Variants in GRIN2A observed in about 807,000 individuals in gnomAD.
The protein encoded by GRIN2A is glutamate receptor ionotropic, NMDA 2A.
A neutral mutation model predicts 113.4 loss-of-function variants in GRIN2A; 22 were observed. The observed-to-expected ratio is 0.19, with a 90% confidence interval of 0.14 to 0.28. The LOEUF is 0.28. GRIN2A is among the 10% of genes least tolerant of loss of function. The probability of loss-of-function intolerance (pLI) is 1.00; values close to 1 mark genes in which losing one functional copy is unlikely to be tolerated. For missense variants in GRIN2A, 1,502 were observed against 1,887.0 expected (o/e 0.80, Z 3.78); for synonymous variants, 827 against 738.4 (o/e 1.12, Z -1.94).
At position 9,930,749 on chromosome 16, in the gene GRIN2A, A is replaced by G. The variant is rs553659452; in HGVS notation, c.1007+7210T>C. ...GCATTACAAAAAACCAACAGTGATC[A>G]TTCTGATTACTAAATAAAAATATGT... On this transcript the variant is annotated intron_variant, in intron 3 of 12. Transcript: ENST00000330684. 1.2e-4 allele frequency among the ~76,000 whole-genome samples: 18 copies of G among 152,360 alleles called. No individual in the cohort carries two copies. The East Asian group carries it at 1.3e-3, about 11-fold the overall frequency.
chr16:10,105,540 C>T (rs984356494), intron 2 of GRIN2A, among the ~76,000 whole-genome samples: 1 of 151,586 alleles, frequency 6.6e-6, no homozygotes, highest in Admixed American at 6.6e-5. Context: ...CATTTGAGAC[C>T]AGCCATATGA....
chr16:10,012,515 G>A (rs1054094082), intron 2 of GRIN2A, among the ~76,000 whole-genome samples: 1 of 152,120 alleles, frequency 6.6e-6, no homozygotes, highest in Admixed American at 6.5e-5. Context: ...TTGTTCAATC[G>A]ATTCTAAAAG....
At chr16:10,102,873 G>A (rs548436223) in intron 2 of GRIN2A, among the ~76,000 whole-genome samples, 9 of 152,260 alleles carry the variant, frequency 5.9e-5, no homozygotes, top group African/African-American at 1.9e-4. Context: ...TTCCTCCACT[G>A]TTCTAGATCA....
In GRIN2A at chr16:9,763,522, CTT is replaced by C; in HGVS notation, c.4020_4021del (p.Ser1341LeufsTer24). Reference sequence around the variant, plus strand: ...CTCCAGACCTTGGGGGAAAAGGGAGCTTTTTTTCCCCGAGAGTTTGCTTGAGG... The same window carrying C: ...CTCCAGACCTTGGGGGAAAAGGGAGCTTTTTCCCCGAGAGTTTGCTTGAGG... On this transcript the variant is annotated frameshift_variant, in exon 13 of 13. Transcript: ENST00000330684. LOFTEE classifies it high-confidence loss of function. The C allele has an allele frequency of 6.2e-7, 1 of 1,613,986 alleles. No individual in the cohort carries two copies. The highest frequency in any genetic ancestry group is 8.5e-7 in the Non-Finnish European group (1 of 1,179,966).
At chr16:9,840,117 C>CA (rs1163436707) in intron 7 of GRIN2A, among the ~76,000 whole-genome samples, 2 of 151,826 alleles carry the variant, frequency 1.3e-5, no homozygotes, top group African/African-American at 4.8e-5. Context: ...GACTCCATCT[C>CA]AAAAAAATAA....
intron 8 of GRIN2A, among the ~76,000 whole-genome samples, chr16:9,832,438 C>A (rs975937424): frequency 6.6e-6 from 1 of 152,120 alleles, no homozygotes; most frequent in Non-Finnish European, 1.5e-5. Context: ...TGCACCCCAT[C>A]ACTATCATGT....
At chr16:9,976,367 C>T (rs551222372) in intron 2 of GRIN2A, among the ~76,000 whole-genome samples, 2 of 152,328 alleles carry the variant, frequency 1.3e-5, no homozygotes, top group African/African-American at 4.8e-5. Flanking sequence ...CTAACTCTCT[C>T]ACATGTCCAA....
At chr16:9,769,451 C>CTTTTTTTTTTTTTTTTTTTTTTGT (rs34847596) in intron 11 of GRIN2A, among the ~76,000 whole-genome samples, 1 of 104,890 alleles carries the variant, frequency 9.5e-6, no homozygotes, top group East Asian at 3.2e-4. Flanking sequence ...GGAGTTTTGT[C>CTTTTTTTTTTTTTTTTTTTTTTGT]TTTTTTTTTT....
At chr16:10,000,371 C>G (rs1333482062) in intron 2 of GRIN2A, among the ~76,000 whole-genome samples, 1 of 151,592 alleles carries the variant, frequency 6.6e-6, no homozygotes, top group Non-Finnish European at 1.5e-5. Context: ...TTTTTTTTCT[C>G]CTCCTAAAAG....
intron 7 of GRIN2A, among the ~76,000 whole-genome samples, chr16:9,837,967 A>G (rs148911425): frequency 2.3e-4 from 35 of 152,342 alleles, no homozygotes; most frequent in African/African-American, 8.2e-4. Context: ...ATCAAAAATG[A>G]AAACAGTAAA....
intron 2 of GRIN2A, among the ~76,000 whole-genome samples, chr16:10,037,460 CAG>C (rs1347815289): frequency 1.3e-5 from 2 of 152,100 alleles, no homozygotes; most frequent in African/African-American, 2.4e-5. Context: ...ATGCATTATC[CAG>C]AGTGATCATT....
chr16:9,839,569 A>C (rs2042638382), intron 7 of GRIN2A, among the ~76,000 whole-genome samples: 1 of 152,308 alleles, frequency 6.6e-6, no homozygotes, highest in East Asian at 1.9e-4. Flanking sequence ...ATCATCGTGC[A>C]GTCATCATTA....
At chr16:10,096,307 G>C (rs1313119810) in intron 2 of GRIN2A, among the ~76,000 whole-genome samples, 1 of 152,134 alleles carries the variant, frequency 6.6e-6, no homozygotes, top group African/African-American at 2.4e-5. Context: ...GTTTACAGCA[G>C]TTCCCAACCA....
In GRIN2A at chr16:10,172,363, T is replaced by C. The variant is rs184660285; in HGVS notation, c.414+7635A>G. Among the ~76,000 whole-genome samples the C allele has an allele frequency of 2.3e-3, 353 of 152,334 alleles. 1 individual carries two copies. Among genetic ancestry groups the C allele is most frequent in the African/African-American group, 8.0e-3 (331 of 41,580 alleles). The stretch of plus-strand genomic sequence containing the variant: ...AACAGGGCCAGGTGTTATAGGAGAT[T>C]AATGATGGCAGCAGTGAACATGGCA... On this transcript the variant is annotated intron_variant, in intron 2 of 12. Coordinates refer to ENST00000330684, the MANE Select transcript of GRIN2A (RefSeq NM_001134407.3).
intron 2 of GRIN2A, among the ~76,000 whole-genome samples, chr16:9,959,026 A>G (rs1272500445): frequency 1.3e-5 from 2 of 152,140 alleles, no homozygotes; most frequent in Non-Finnish European, 2.9e-5. Context: ...TTATGCCCCA[A>G]ATTTTTACAA....
intron 2 of GRIN2A, among the ~76,000 whole-genome samples, chr16:9,941,598 A>G (rs2044878058): frequency 6.6e-6 from 1 of 152,194 alleles, no homozygotes; most frequent in African/African-American, 2.4e-5. Flanking sequence ...GCCTCTCTGC[A>G]GAAAATGGAG....
At chr16:9,966,483 G>A (rs2045558651) in intron 2 of GRIN2A, among the ~76,000 whole-genome samples, 2 of 152,312 alleles carry the variant, frequency 1.3e-5, no homozygotes, top group Middle Eastern at 3.4e-3. Flanking sequence ...GTATTCTGTG[G>A]AGTATGTGTA....
chr16:9,914,288 T>C lies in GRIN2A; in HGVS notation c.1008-23188A>G, dbSNP rs2044199435. Among the ~76,000 whole-genome samples, 3 of 152,304 alleles carry C rather than the reference T, an allele frequency of 2.0e-5. No individual in the cohort carries two copies. In the South Asian group the frequency reaches 6.2e-4, roughly 32 times the overall value. ...ACAGAACTGCCAGTTTTCAACATGC[T>C]GGCAGCAAAACCCAGCAGATGCACC... On this transcript the variant is annotated intron_variant, in intron 3 of 12. Transcript: ENST00000330684.
chr16:10,105,751 A>G (rs1345810031), intron 2 of GRIN2A, among the ~76,000 whole-genome samples: 3 of 152,042 alleles, frequency 2.0e-5, no homozygotes, highest in Non-Finnish European at 1.5e-5. Context: ...TGCTAAAAAT[A>G]CAAAAATTAG....
Sources: allele counts gnomAD v4.1 joint callset (sites outside exome capture counted in the v4.1 genomes callset), GRCh38; gene constraint gnomAD v4.1.1; transcripts MANE v1.5; gene names NCBI Gene and HGNC (gene_info 2026-07-23, HGNC 2026-07-21).